Variants in ANK3 observed in about 807,000 individuals in gnomAD.
ANK3 encodes ankyrin 3.
In ANK3, 57 loss-of-function variants were observed where a neutral mutation model predicts 370.9. The ratio of observed to expected loss-of-function variants is 0.15; its 90% CI spans 0.12 to 0.19. The LOEUF (loss-of-function observed/expected upper bound fraction) is 0.19. Among genes scored for constraint, ANK3 ranks in the 10% least tolerant of loss-of-function variants. The pLI is 1.00. For missense variants in ANK3, 4,439 were observed against 5,302.1 expected (o/e 0.84, Z 5.06); for synonymous variants, 1,929 against 1,946.3 (o/e 0.99, Z 0.23).
At chr10:60,500,174 T>C (rs2133140841) in intron 2 of ANK3, among the ~76,000 whole-genome samples, 1 of 152,214 alleles carries the variant, frequency 6.6e-6, no homozygotes, top group East Asian at 1.9e-4. Context: ...TCAGAGCAGT[T>C]CCAAGAAGAA....
intron 1 of ANK3, among the ~76,000 whole-genome samples, chr10:60,728,425 T>C (rs1452540270): frequency 6.6e-6 from 1 of 150,902 alleles, no homozygotes; most frequent in African/African-American, 2.4e-5. Context: ...GAAAACGAAA[T>C]CATTTTTTTA....
intron 1 of ANK3, among the ~76,000 whole-genome samples, chr10:60,369,073 C>T (rs78743852): frequency 0.1 from 15,845 of 151,986 alleles, 894 homozygotes; most frequent in South Asian, 0.13. Flanking sequence ...GTGCATTTGA[C>T]TGTATCTAAA....
At chr10:60,314,901 T>C (rs1593555717) in intron 1 of ANK3, among the ~76,000 whole-genome samples, 1 of 152,370 alleles carries the variant, frequency 6.6e-6, no homozygotes, top group East Asian at 1.9e-4. Flanking sequence ...AACGCTTGTG[T>C]TCTGGATCTC....
rs189727032 is a variant in ANK3 at position 60,684,505 on chromosome 10, A to G, written c.57+48758T>C. 5.3e-5 allele frequency: 78 copies of G among 1,473,122 alleles called. No individual in the cohort carries two copies. The African/African-American group carries it at 1.1e-3, about 20-fold the overall frequency. The allele number at this position is 1,473,122 out of a possible 1,614,324, so 91.3% of individuals were successfully genotyped here. A position where few individuals can be genotyped will look rare whatever the true frequency, so the allele number is the denominator to read the frequency against. On this transcript the variant is annotated intron_variant, in intron 1 of 43. Transcript: ENST00000373827. ...TTGGGACATTTATTTGCAGCTGGAAATGGGGAATGGACTATCAGACCAGAC... is the reference window on the plus strand; with the variant it reads ...TTGGGACATTTATTTGCAGCTGGAAGTGGGGAATGGACTATCAGACCAGAC...
At chr10:60,393,656 C>T (rs1594942325), upstream of ANK3, among the ~76,000 whole-genome samples, 2 of 152,180 alleles carry the variant, frequency 1.3e-5, no homozygotes, top group South Asian at 2.1e-4. Flanking sequence ...TTTTCACATA[C>T]ACCTTTCCAG....
intron 1 of ANK3, among the ~76,000 whole-genome samples, chr10:60,697,295 G>GA (rs1282375795): frequency 7.9e-5 from 12 of 151,708 alleles, no homozygotes; most frequent in African/African-American, 2.7e-4. Context: ...TCATGGGTAG[G>GA]AAAAATCAAT....
At chr10:60,719,840 G>T (rs2079839126) in intron 1 of ANK3, among the ~76,000 whole-genome samples, 1 of 152,176 alleles carries the variant, frequency 6.6e-6, no homozygotes. Flanking sequence ...AAAATATATG[G>T]CATTGATTTT....
intron 2 of ANK3, among the ~76,000 whole-genome samples, chr10:60,458,154 T>G (rs912739927): frequency 6.6e-6 from 1 of 152,128 alleles, no homozygotes; most frequent in East Asian, 1.9e-4. Flanking sequence ...TGATGTTTTG[T>G]GCACAAAAAT....
intron 2 of ANK3, among the ~76,000 whole-genome samples, chr10:60,444,124 T>C (rs1346746182): frequency 1.3e-5 from 2 of 152,138 alleles, no homozygotes; most frequent in African/African-American, 2.4e-5. Flanking sequence ...TGGGATTGTG[T>C]TTATTTTCTT....
chr10:60,083,195 T>G (rs560734251), intron 33 of ANK3, among the ~76,000 whole-genome samples: 8 of 152,350 alleles, frequency 5.3e-5, no homozygotes, highest in Admixed American at 3.3e-4. Context: ...CATTATTTGA[T>G]TACTGAACAT....
At chr10:60,486,913 C>T (rs1240832078) in intron 2 of ANK3, among the ~76,000 whole-genome samples, 1 of 152,176 alleles carries the variant, frequency 6.6e-6, no homozygotes, top group South Asian at 2.1e-4. Context: ...AAGTTATATG[C>T]TAAATTTTAG....
intron 1 of ANK3, among the ~76,000 whole-genome samples, chr10:60,299,938 G>A (rs1173581106): frequency 1.3e-5 from 2 of 152,120 alleles, no homozygotes; most frequent in Non-Finnish European, 2.9e-5. Context: ...AGAAAAAGCT[G>A]AATTTTAAAG....
intron 7 of ANK3, among the ~76,000 whole-genome samples, chr10:60,254,983 G>A (rs1045617777): frequency 6.6e-6 from 1 of 152,180 alleles, no homozygotes; most frequent in African/African-American, 2.4e-5. Flanking sequence ...TGTGTAAGAT[G>A]ACACAGGTCT....
At chr10:60,294,459 C>T (rs759775248) in intron 1 of ANK3, among the ~76,000 whole-genome samples, 10 of 152,018 alleles carry the variant, frequency 6.6e-5, no homozygotes, top group Non-Finnish European at 1.0e-4. Context: ...TGGAGCCTTG[C>T]TAGAATTGTT....
intron 1 of ANK3, among the ~76,000 whole-genome samples, chr10:60,324,091 G>A (rs975627166): frequency 6.6e-6 from 1 of 152,188 alleles, no homozygotes; most frequent in African/African-American, 2.4e-5. Flanking sequence ...GAAGAAGACA[G>A]GGGACAAGCA....
At position 60,368,230 on chromosome 10, in the gene ANK3, T is replaced by TACACACAC. The variant is rs3045441; in HGVS notation, c.114+21187_114+21194dup. On this transcript the variant is annotated intron_variant, in intron 1 of 43. Transcript: ENST00000280772. Reference sequence around the variant, plus strand: ...ACATGATGCTATACACTAGTGCATGTACACACACACACACACACACACTTT... The same window carrying TACACACAC: ...ACATGATGCTATACACTAGTGCATGTACACACACACACACACACACACACACACACTTT... Among the ~76,000 whole-genome samples the TACACACAC allele has an allele frequency of 8.7e-5, 13 of 149,636 alleles. 1 individual carries two copies. The highest frequency in any genetic ancestry group is 2.1e-4 in the South Asian group (1 of 4,698).
intron 1 of ANK3, among the ~76,000 whole-genome samples, chr10:60,383,403 G>A (rs1432347303): frequency 1.3e-5 from 2 of 152,102 alleles, no homozygotes; most frequent in South Asian, 2.1e-4. Context: ...GAGAGCCTGA[G>A]GCACAGAGAG....
intron 1 of ANK3, among the ~76,000 whole-genome samples, chr10:60,290,154 C>A (rs757420322): frequency 6.6e-6 from 1 of 152,248 alleles, no homozygotes; most frequent in African/African-American, 2.4e-5. Flanking sequence ...ATTACACAAA[C>A]GAAAACAACG....
At chr10:60,047,720 G>A (rs2077192810) in intron 42 of ANK3, among the ~76,000 whole-genome samples, 1 of 152,148 alleles carries the variant, frequency 6.6e-6, no homozygotes, top group Non-Finnish European at 1.5e-5. Flanking sequence ...TAAAAATTCA[G>A]TTATTTGAAT....
Sources: gnomAD v4.1 joint callset for allele counts (sites outside exome capture counted in the v4.1 genomes callset) on GRCh38, gnomAD v4.1.1 for gene constraint, MANE v1.5 for transcripts, NCBI Gene and HGNC (gene_info 2026-07-23, HGNC 2026-07-21) for gene names.